NDFIP1: variants seen among roughly 807,000 people sequenced by gnomAD.
The protein encoded by NDFIP1 is NEDD4 family-interacting protein 1.
A neutral mutation model predicts 28.8 loss-of-function variants in NDFIP1; 7 were observed. The observed-to-expected ratio is 0.24, with a 90% confidence interval of 0.14 to 0.46. The LOEUF (loss-of-function observed/expected upper bound fraction) is 0.46, where lower values mean the gene tolerates loss of function less well. Among genes scored for constraint, NDFIP1 ranks in the 20% least tolerant of loss-of-function variants. NDFIP1 has a pLI of 0.99. For synonymous variants in NDFIP1, 92 were observed against 101.0 expected, an observed-to-expected ratio of 0.91 and a Z score of 0.53; for missense variants, 194 against 269.1, an observed-to-expected ratio of 0.72 and a Z score of 1.95.
chr5:142,140,548 T>G lies in NDFIP1; in HGVS notation c.496-15T>G. 6.2e-7 allele frequency: 1 copy of G among 1,605,654 alleles called. No homozygotes were observed. The highest frequency in any genetic ancestry group is 1.1e-5 in the South Asian group (1 of 89,568). ...TCTGTTAAGCTGCTATAAAGTGTTT[T>G]GCCTTATTTTTTAGTTTTCCACCTA... is the stretch of plus-strand genomic sequence containing the variant. On this transcript the variant is annotated splice_polypyrimidine_tract_variant and intron_variant, in intron 5 of 7. Coordinates refer to ENST00000253814, the MANE Select transcript of NDFIP1 (RefSeq NM_030571.4).
At position 142,117,838 on chromosome 5, in the gene NDFIP1, T is replaced by A. The variant is rs551050615; in HGVS notation, c.63+8801T>A. Among the ~76,000 whole-genome samples, 9 of 150,308 alleles carry A rather than the reference T, an allele frequency of 6.0e-5. No individual in the cohort carries two copies. The South Asian group carries it at 1.7e-3, about 28-fold the overall frequency. On this transcript the variant is annotated intron_variant, in intron 1 of 7. Coordinates refer to ENST00000253814, the MANE Select transcript of NDFIP1 (RefSeq NM_030571.4). Reference sequence around the variant, plus strand: ...CCATCTTCAGGCTTTCTTCTTAACCTTTCCTTGGCTTTAAATGTTTTTTAA... The same window carrying A: ...CCATCTTCAGGCTTTCTTCTTAACCATTCCTTGGCTTTAAATGTTTTTTAA...
At chr5:142,114,120 A>G (rs4912805) in intron 1 of NDFIP1, among the ~76,000 whole-genome samples, 102,370 of 152,050 alleles carry the variant, frequency 0.67, 34,799 homozygotes, top group African/African-American at 0.77. Flanking sequence ...AGTTTTCGAG[A>G]AACTCCCATA....
At chr5:142,120,076 C>T (rs746599208) in intron 1 of NDFIP1, among the ~76,000 whole-genome samples, 1 of 152,224 alleles carries the variant, frequency 6.6e-6, no homozygotes, top group Non-Finnish European at 1.5e-5. Context: ...CTGCCTCAGC[C>T]TCCCGAGTAG....
chr5:142,127,042 A>G (rs1444899010), intron 1 of NDFIP1, among the ~76,000 whole-genome samples: 3 of 152,028 alleles, frequency 2.0e-5, no homozygotes, highest in African/African-American at 7.2e-5. Context: ...TTGAGACAGA[A>G]TCTCACTTTG....
Position 142,124,787 on chromosome 5 carries a change from TTTTTC to T in NDFIP1, c.64-7011_64-7007del, listed in dbSNP as rs796819041. ...TAACTCTGGTAATTGGTTTGGTGGG[TTTTTC>T]TTTTCTTTTTTTTGGCTCCCTATGA... On this transcript the variant is annotated intron_variant, in intron 1 of 7. Coordinates refer to ENST00000253814, the MANE Select transcript of NDFIP1 (RefSeq NM_030571.4). Among the ~76,000 whole-genome samples, 8 of 152,096 alleles carry T rather than the reference TTTTTC, an allele frequency of 5.3e-5. No individual in the cohort carries two copies. In the South Asian group the frequency reaches 1.7e-3, roughly 32 times the overall value.
chr5:142,125,300 G>A (rs1757159789), intron 1 of NDFIP1, among the ~76,000 whole-genome samples: 1 of 152,128 alleles, frequency 6.6e-6, no homozygotes. Flanking sequence ...GTTTTTGTGT[G>A]AACTTGTTTT....
In NDFIP1 at chr5:142,152,999, A is replaced by AG. The variant is rs1757463491; in HGVS notation, c.*1272dup. The AG allele has an allele frequency of 3.4e-6, 1 of 294,946 alleles. No homozygotes were observed. The highest frequency in any genetic ancestry group is 6.6e-6 in the Non-Finnish European group (1 of 150,644). The allele number at this position is 294,946 out of a possible 1,614,324, so 18.3% of individuals were successfully genotyped here. The stretch of plus-strand genomic sequence containing the variant: ...TCTGTAAAAGATAATGGACTAAAAA[A>AG]GTAGAGAGGAGTTGTAGAGATCTTA... On this transcript the variant is annotated 3_prime_UTR_variant, in exon 8 of 8. Coordinates refer to ENST00000253814, the MANE Select transcript of NDFIP1 (RefSeq NM_030571.4).
At chr5:142,118,646 G>A (rs1757093109) in intron 1 of NDFIP1, among the ~76,000 whole-genome samples, 1 of 152,182 alleles carries the variant, frequency 6.6e-6, no homozygotes, top group African/African-American at 2.4e-5. Flanking sequence ...ACTATGCATG[G>A]TCCACACATA....
chr5:142,150,695 C>T (rs1385223941), intron 7 of NDFIP1, among the ~76,000 whole-genome samples: 1 of 146,976 alleles, frequency 6.8e-6, no homozygotes. Flanking sequence ...CACTGCACTC[C>T]AGCCTGAGTG....
intron 1 of NDFIP1, 92 bp from the exon 2 acceptor site, chr5:142,131,716 A>G (rs1406484479): frequency 1.1e-6 from 1 of 928,998 alleles, no homozygotes; most frequent in Non-Finnish European, 1.6e-6. Flanking sequence ...GTTGCCAAAT[A>G]GCTTTCGAGA....
intron 1 of NDFIP1, among the ~76,000 whole-genome samples, chr5:142,118,085 A>G (rs9324866): frequency 0.67 from 101,879 of 151,950 alleles, 34,467 homozygotes; most frequent in African/African-American, 0.76. Context: ...GAGAGTTTCC[A>G]TATGCCCTAT....
intron 5 of NDFIP1, among the ~76,000 whole-genome samples, chr5:142,139,488 G>A (rs975633291): frequency 6.6e-6 from 1 of 152,036 alleles, no homozygotes; most frequent in Non-Finnish European, 1.5e-5. Flanking sequence ...TCACGTATCA[G>A]TATTACATTG....
chr5:142,142,701 G>A (rs1340047611), intron 6 of NDFIP1, among the ~76,000 whole-genome samples: 1 of 151,850 alleles, frequency 6.6e-6, no homozygotes, highest in East Asian at 1.9e-4. Flanking sequence ...GCCGAGGCAG[G>A]CAGATAACTT....
In NDFIP1 at chr5:142,108,965, C is replaced by T. The variant is rs914220814; in HGVS notation, c.-10C>T. ...CTCGCTCGCTCTGCTTCCCTGCTGCCGGCTGCGCCATGGCGTTGGCGTTGG... is the reference window on the plus strand; with the variant it reads ...CTCGCTCGCTCTGCTTCCCTGCTGCTGGCTGCGCCATGGCGTTGGCGTTGG... On this transcript the variant is annotated 5_prime_UTR_variant, in exon 1 of 8. Coordinates refer to ENST00000253814, the MANE Select transcript of NDFIP1 (RefSeq NM_030571.4). The T allele has an allele frequency of 6.9e-7, 1 of 1,441,146 alleles. No homozygotes were observed. Among genetic ancestry groups the T allele is most frequent in the Non-Finnish European group, 9.1e-7 (1 of 1,100,368 alleles). The allele number at this position is 1,441,146 out of a possible 1,614,324, so 89.3% of individuals were successfully genotyped here.
chr5:142,116,352 T>TCCTTCCTTCTTTCTCTCTCTCTCTC (rs1561597776), intron 1 of NDFIP1, among the ~76,000 whole-genome samples: 2 of 116,274 alleles, frequency 1.7e-5, no homozygotes, highest in African/African-American at 8.5e-5. Context: ...CCTTCCTTCT[T>TCCTTCCTTCTTTCTCTCTCTCTCTC]TCTCTCTCTC....
At chr5:142,146,994 G>A (rs1478341584) in intron 7 of NDFIP1, among the ~76,000 whole-genome samples, 1 of 152,168 alleles carries the variant, frequency 6.6e-6, no homozygotes, top group African/African-American at 2.4e-5. Flanking sequence ...GGAGATTCAA[G>A]TGTTGAGCCT....
intron 7 of NDFIP1, among the ~76,000 whole-genome samples, chr5:142,150,241 G>A (rs1757432506): frequency 6.6e-6 from 1 of 150,630 alleles, no homozygotes; most frequent in Non-Finnish European, 1.5e-5. Flanking sequence ...TGTTTATAAT[G>A]AGTCTGGCCT....
rs772998463 is a variant in NDFIP1 at position 142,132,296 on chromosome 5, C to T, written c.236C>T (p.Ala79Val). ...VATTLPSYDE[A>V]ERTKAEATIP... Reference sequence around the variant, plus strand: ...ACAACACTGCCCAGTTATGATGAAGCGGAGAGGACCAAGGCTGAAGCTACT... The same window carrying T: ...ACAACACTGCCCAGTTATGATGAAGTGGAGAGGACCAAGGCTGAAGCTACT... The change falls in exon 3 of 8, where the codon GCG (alanine) becomes GTG (valine). Residue 79 changes from alanine (A) to valine (V), a missense_variant. Coordinates refer to ENST00000253814, the MANE Select transcript of NDFIP1 (RefSeq NM_030571.4). 16 of 1,614,116 alleles carry T rather than the reference C, an allele frequency of 9.9e-6. No individual in the cohort carries two copies. Among genetic ancestry groups the T allele is most frequent in the Non-Finnish European group, 1.3e-5 (15 of 1,180,026 alleles).
At chr5:142,136,755 C>CAAAAAA (rs33932095) in intron 4 of NDFIP1, among the ~76,000 whole-genome samples, 3 of 76,436 alleles carry the variant, frequency 3.9e-5, no homozygotes, top group East Asian at 3.8e-4. Context: ...GACTTCGTCT[C>CAAAAAA]AAAAAAAAAA....
Sources: allele counts gnomAD v4.1 joint callset (sites outside exome capture counted in the v4.1 genomes callset), GRCh38; gene constraint gnomAD v4.1.1; transcripts MANE v1.5; gene names NCBI Gene and HGNC (gene_info 2026-07-23, HGNC 2026-07-21).